Variants in UGT8 observed in about 807,000 individuals in gnomAD.
UGT8 encodes the protein 2-hydroxyacylsphingosine 1-beta-galactosyltransferase.
UGT8 carries 12 observed loss-of-function variants against 40.5 expected under a neutral mutation model. The observed-to-expected ratio is 0.30, with a 90% CI of 0.19 to 0.48. The LOEUF (loss-of-function observed/expected upper bound fraction) is 0.48, where lower values mean the gene tolerates loss of function less well. UGT8 is among the 20% of genes least tolerant of loss of function. The pLI is 0.99. For synonymous variants in UGT8, 224 were observed against 240.4 expected, an observed-to-expected ratio of 0.93 and a Z score of 0.63; for missense variants, 513 against 648.7, an observed-to-expected ratio of 0.79 and a Z score of 2.27.
At chr4:114,619,065 T>G (rs1363876174) in intron 1 of UGT8, among the ~76,000 whole-genome samples, 1 of 152,102 alleles carries the variant, frequency 6.6e-6, no homozygotes, top group African/African-American at 2.4e-5. Context: ...CTGTTTCTTT[T>G]TCAAAAATGT....
chr4:114,665,415 CTGTA>C (rs1484405626), intron 3 of UGT8: 2 of 985,156 alleles, frequency 2.0e-6, no homozygotes, highest in African/African-American at 3.5e-5. Context: ...TTTCCCATCT[CTGTA>C]TGTGTATAGG....
At chr4:114,643,698 G>T (rs1733370317) in intron 2 of UGT8, among the ~76,000 whole-genome samples, 1 of 152,070 alleles carries the variant, frequency 6.6e-6, no homozygotes, top group Non-Finnish European at 1.5e-5. Flanking sequence ...TTTCTCAGGT[G>T]GTGGAAAAAC....
At position 114,632,109 on chromosome 4, in the gene UGT8, C is replaced by T. The variant is rs544545573; in HGVS notation, c.822+8407C>T. On this transcript the variant is annotated intron_variant, in intron 2 of 5. Transcript: ENST00000310836. ...ATCTTCACCATTTGCTTTTGGCCTT[C>T]GAGTATATTTTGGTAAAGCAGCATT... Among the ~76,000 whole-genome samples, 24 of 152,242 alleles carry T rather than the reference C, an allele frequency of 1.6e-4. No homozygotes were observed. In the South Asian group the frequency reaches 3.1e-3, roughly 20 times the overall value.
intron 1 of UGT8, among the ~76,000 whole-genome samples, chr4:114,608,189 C>T (rs949052505): frequency 6.6e-6 from 1 of 152,122 alleles, no homozygotes; most frequent in Non-Finnish European, 1.5e-5. Flanking sequence ...CAAATTCTCA[C>T]CCAAGGTTTT....
At chr4:114,653,357 G>A (rs1733996636) in intron 2 of UGT8, among the ~76,000 whole-genome samples, 1 of 152,058 alleles carries the variant, frequency 6.6e-6, no homozygotes, top group Non-Finnish European at 1.5e-5. Context: ...GCATTTAAGA[G>A]AAGCTGACTC....
At chr4:114,631,618 A>T (rs1191933591) in intron 2 of UGT8, among the ~76,000 whole-genome samples, 3 of 152,202 alleles carry the variant, frequency 2.0e-5, no homozygotes, top group Non-Finnish European at 4.4e-5. Flanking sequence ...ATTGTAGGCC[A>T]CTTAGTAGAT....
At chr4:114,633,959 C>G (rs1328504384) in intron 2 of UGT8, among the ~76,000 whole-genome samples, 13 of 151,834 alleles carry the variant, frequency 8.6e-5, no homozygotes. Flanking sequence ...AAAAGGATCA[C>G]TCTGGTTGCT....
rs142407905 is a variant in UGT8 at position 114,624,512 on chromosome 4, G to C, written c.822+810G>C. On this transcript the variant is annotated intron_variant, in intron 2 of 5. Coordinates refer to ENST00000310836, the MANE Select transcript of UGT8 (RefSeq NM_001128174.3). ...CAGATCCCATTTACTAGGAAGTGTA[G>C]GGCTTGTTGCAGGACTTTATTCAAG... Among the ~76,000 whole-genome samples the C allele has an allele frequency of 2.0e-5, 3 of 152,234 alleles. No homozygotes were observed. In the East Asian group the frequency reaches 5.8e-4, roughly 29 times the overall value.
intron 3 of UGT8, 83 bp downstream of exon 3, chr4:114,664,220 C>A: frequency 6.9e-7 from 1 of 1,452,996 alleles, no homozygotes; most frequent in Non-Finnish European, 9.4e-7. Context: ...TAAAGCACAG[C>A]ACATTGTTTC....
intron 1 of UGT8, among the ~76,000 whole-genome samples, chr4:114,599,838 A>G (rs368394520): frequency 3.5e-4 from 54 of 152,288 alleles, no homozygotes; most frequent in African/African-American, 1.3e-3. Context: ...GAGTGCAAGT[A>G]GATGCAGTGC....
intron 3 of UGT8, chr4:114,665,328 G>C (rs1314335074): frequency 1.0e-6 from 1 of 970,966 alleles, no homozygotes; most frequent in Admixed American, 6.2e-5. Flanking sequence ...GCTCCTTCTT[G>C]TTCCAGCTTC....
chr4:114,611,406 A>ATG (rs1204649136), intron 1 of UGT8, among the ~76,000 whole-genome samples: 34 of 6,966 alleles, frequency 4.9e-3, no homozygotes, highest in African/African-American at 0.01. Context: ...ATATATCCAT[A>ATG]TATATATATA....
chr4:114,624,833 A>G (rs1266453396), intron 2 of UGT8, among the ~76,000 whole-genome samples: 2 of 152,166 alleles, frequency 1.3e-5, no homozygotes, highest in Non-Finnish European at 2.9e-5. Context: ...GTACACCCAC[A>G]GCATTTCAAA....
intron 2 of UGT8, among the ~76,000 whole-genome samples, chr4:114,625,611 A>G (rs1732163591): frequency 6.6e-6 from 1 of 151,658 alleles, no homozygotes; most frequent in South Asian, 2.1e-4. Context: ...AGCAACTTGA[A>G]TGACACAGTA....
intron 2 of UGT8, among the ~76,000 whole-genome samples, chr4:114,640,914 C>G (rs113041429): frequency 0.021 from 3,167 of 152,148 alleles, 58 homozygotes; most frequent in Non-Finnish European, 0.031. Flanking sequence ...ACAGCCAAAC[C>G]ATATCAGGAT....
intron 2 of UGT8, among the ~76,000 whole-genome samples, chr4:114,640,788 G>A (rs553862370): frequency 6.6e-6 from 1 of 152,242 alleles, no homozygotes; most frequent in African/African-American, 2.4e-5. Context: ...GATCTTGTGA[G>A]ACTTATTCAC....
chr4:114,645,391 A>T (rs1051638690), intron 2 of UGT8, among the ~76,000 whole-genome samples: 1 of 152,210 alleles, frequency 6.6e-6, no homozygotes, highest in African/African-American at 2.4e-5. Context: ...GTAAGAGAAG[A>T]TGAGTAATAT....
At chr4:114,641,394 G>A (rs948426836) in intron 2 of UGT8, among the ~76,000 whole-genome samples, 3 of 152,090 alleles carry the variant, frequency 2.0e-5, no homozygotes, top group African/African-American at 7.2e-5. Flanking sequence ...TTTGAGTTTG[G>A]TAACTGCCCT....
At position 114,676,055 on chromosome 4, in the gene UGT8, C is replaced by T; in HGVS notation, c.1393C>T (p.His465Tyr). 1.2e-6 allele frequency: 2 copies of T among 1,614,200 alleles called. No individual in the cohort carries two copies. Among genetic ancestry groups the T allele is most frequent in the Non-Finnish European group, 1.7e-6 (2 of 1,180,048 alleles). The change falls in exon 6 of 6, where the codon CAT (histidine) becomes TAT (tyrosine). Residue 465 changes from histidine to tyrosine, a missense_variant. Physicochemically the swap from His to Tyr is moderately conservative, Grantham distance 83. Coordinates refer to ENST00000310836, the MANE Select transcript of UGT8 (RefSeq NM_001128174.3). Reference protein sequence around the residue: ...NGAHHLRAAVHQISFCQYFLL... With the variant: ...NGAHHLRAAVYQISFCQYFLL... ...AGCCCATCACCTACGTGCCGCTGTCCATCAGATCTCCTTTTGTCAGTATTT... is the reference window on the plus strand; with the variant it reads ...AGCCCATCACCTACGTGCCGCTGTCTATCAGATCTCCTTTTGTCAGTATTT...
Sources: allele counts gnomAD v4.1 joint callset (sites outside exome capture counted in the v4.1 genomes callset), GRCh38; gene constraint gnomAD v4.1.1; transcripts MANE v1.5; gene names NCBI Gene and HGNC (gene_info 2026-07-23, HGNC 2026-07-21).